Variants in FREM1 observed in about 807,000 individuals in gnomAD.
The protein encoded by FREM1 is FRAS1 related extracellular matrix 1.
FREM1 carries 220 observed loss-of-function variants against 210.1 expected under a neutral mutation model. The observed-to-expected ratio is 1.05, with a 90% CI of 0.94 to 1.17. The LOEUF (loss-of-function observed/expected upper bound fraction) is 1.17. Ranked by LOEUF, FREM1 falls within the 50% of genes most tolerant of loss-of-function variation. The pLI is 0.00. For synonymous variants in FREM1, 1,189 were observed against 980.2 expected, an observed-to-expected ratio of 1.21 and a Z score of -3.98; for missense variants, 3,454 against 2,675.5, an observed-to-expected ratio of 1.29 and a Z score of -6.42.
chr9:14,836,735 C>T lies in FREM1; in HGVS notation c.1881+4712G>A, dbSNP rs1188051315. Among the ~76,000 whole-genome samples the T allele has an allele frequency of 6.6e-6, 1 of 152,210 alleles. No homozygotes were observed. The highest frequency in any genetic ancestry group is 1.5e-5 in the Non-Finnish European group (1 of 68,024). On this transcript the variant is annotated intron_variant, in intron 10 of 36. Transcript: ENST00000380880. This position sits in a 1 kb window ranked among gnomAD's most constrained non-coding sequence, Gnocchi z 4.9. ...CTGAACCGCATGTGGACATGCCATT[C>T]TTCCGAGGACCCTTAAATCAATCCC... is the stretch of plus-strand genomic sequence containing the variant.
chr9:14,803,303 T>C (rs1025492339), intron 19 of FREM1, among the ~76,000 whole-genome samples: 10 of 132,250 alleles, frequency 7.6e-5, no homozygotes, highest in Non-Finnish European at 1.5e-4. Context: ...TTTCCCTTTC[T>C]CTCTTTTTCT....
chr9:14,853,308 G>A (rs1828104221), intron 5 of FREM1, among the ~76,000 whole-genome samples: 1 of 152,182 alleles, frequency 6.6e-6, no homozygotes, highest in Non-Finnish European at 1.5e-5. Context: ...CAGAGGGCTG[G>A]TCTGGGATCT....
At chr9:14,772,592 C>T (rs1279529777) in intron 25 of FREM1, among the ~76,000 whole-genome samples, 3 of 152,034 alleles carry the variant, frequency 2.0e-5, no homozygotes, top group Admixed American at 2.0e-4. Context: ...GAATTATTTA[C>T]AATACATAGT....
At chr9:14,765,617 C>G (rs1331407115) in intron 27 of FREM1, among the ~76,000 whole-genome samples, 2 of 152,108 alleles carry the variant, frequency 1.3e-5, no homozygotes, top group Non-Finnish European at 2.9e-5. Flanking sequence ...TATTAGCTAG[C>G]CAAACACCTT....
intron 21 of FREM1, among the ~76,000 whole-genome samples, chr9:14,793,196 G>C (rs1189837317): frequency 1.3e-5 from 2 of 152,162 alleles, no homozygotes; most frequent in African/African-American, 2.4e-5. Context: ...CTTGTTTCCA[G>C]TATTTCATTT....
intron 20 of FREM1, among the ~76,000 whole-genome samples, chr9:14,800,862 A>T (rs1187225732): frequency 6.6e-6 from 1 of 152,104 alleles, no homozygotes; most frequent in East Asian, 1.9e-4. Flanking sequence ...GTGATGTATT[A>T]TTACCTTTTC....
At chr9:14,865,192 C>A (rs1387771667) in intron 2 of FREM1, among the ~76,000 whole-genome samples, 1 of 152,082 alleles carries the variant, frequency 6.6e-6, no homozygotes, top group Admixed American at 6.6e-5. Flanking sequence ...TAAAATGGTT[C>A]AAAGTAGAGA....
chr9:14,801,941 G>T, intron 19 of FREM1, 67 bp from the exon 20 acceptor site: 1 of 1,190,306 alleles, frequency 8.4e-7, no homozygotes, highest in Non-Finnish European at 1.2e-6. Context: ...TTGGAAAACT[G>T]CTTAAAGAAA....
At chr9:14,880,567 G>A (rs1437716532) in intron 1 of FREM1, among the ~76,000 whole-genome samples, 1 of 143,822 alleles carries the variant, frequency 7.0e-6, no homozygotes, top group Non-Finnish European at 1.5e-5. Flanking sequence ...TCGTGCCACT[G>A]CACTCCAGCC....
At chr9:14,861,068 TACATATATACATATATAC>T (rs1462065919) in intron 3 of FREM1, among the ~76,000 whole-genome samples, 1 of 56,152 alleles carries the variant, frequency 1.8e-5, no homozygotes, top group Non-Finnish European at 3.3e-5. Context: ...TATACACATA[TACATATATACATATATAC>T]ACATATATAT....
chr9:14,860,558 C>CATATATATATAT (rs1284798422), intron 3 of FREM1, among the ~76,000 whole-genome samples: 3 of 118,052 alleles, frequency 2.5e-5, no homozygotes, highest in African/African-American at 1.2e-4. Flanking sequence ...TATATATACA[C>CATATATATATAT]ACATATATAT....
Position 14,841,518 on chromosome 9 carries a change from C to T in FREM1, c.1810G>A (p.Glu604Lys), listed in dbSNP as rs1825694310. 1 of 1,612,372 alleles carries T rather than the reference C, an allele frequency of 6.2e-7. No homozygotes were observed. Among genetic ancestry groups the T allele is most frequent in the Non-Finnish European group, 8.5e-7 (1 of 1,178,744 alleles). ...GIIYYRHFGG[E>K]IFEDSFQFVL... ...AATTGAAAAGAATCTTCAAAGATTT[C>T]TCCACCAAAATGACGATAATAAATG... is the stretch of plus-strand genomic sequence containing the variant. Residue 604 changes from glutamate to lysine, a missense_variant, in exon 10 of 37, where the codon GAA (glutamate) becomes AAA (lysine). By Grantham distance (56) the Glu-to-Lys change is moderately conservative. Coordinates refer to ENST00000380880, the MANE Select transcript of FREM1 (RefSeq NM_001379081.2).
chr9:14,776,739 C>T (rs1367483426), intron 24 of FREM1, among the ~76,000 whole-genome samples: 2 of 152,186 alleles, frequency 1.3e-5, no homozygotes, highest in East Asian at 1.9e-4. Context: ...TAGCAGATCA[C>T]ATTTCTCAGA....
intron 21 of FREM1, among the ~76,000 whole-genome samples, 177 bp downstream of exon 21, chr9:14,797,321 G>T (rs1039995848): frequency 6.6e-6 from 1 of 152,154 alleles, no homozygotes; most frequent in African/African-American, 2.4e-5. Flanking sequence ...TTAAGGAGAG[G>T]TTACCTTAAC....
At chr9:14,859,737 T>A (rs940693867) in intron 3 of FREM1, among the ~76,000 whole-genome samples, 36 of 152,232 alleles carry the variant, frequency 2.4e-4, no homozygotes, top group African/African-American at 8.7e-4. Context: ...AAACTCATCA[T>A]GCACGTGGAT....
chr9:14,815,944 G>C (rs958921384), intron 15 of FREM1, among the ~76,000 whole-genome samples: 1 of 152,060 alleles, frequency 6.6e-6, no homozygotes, highest in Non-Finnish European at 1.5e-5. Flanking sequence ...CACCTTGCCC[G>C]CTCTGCACTC....
chr9:14,738,038 C>T (rs1401524125), intron 36 of FREM1, among the ~76,000 whole-genome samples: 1 of 152,160 alleles, frequency 6.6e-6, no homozygotes, highest in African/African-American at 2.4e-5. Context: ...TTTTCTTCCT[C>T]ATTATTTAAA....
chr9:14,901,958 C>A (rs1838863983), intron 1 of FREM1, among the ~76,000 whole-genome samples: 1 of 151,806 alleles, frequency 6.6e-6, no homozygotes, highest in Non-Finnish European at 1.5e-5. Context: ...CTCAAGTGAT[C>A]CTCCCACCTG....
chr9:14,802,664 G>A (rs1410803756), intron 19 of FREM1, among the ~76,000 whole-genome samples: 1 of 152,000 alleles, frequency 6.6e-6, no homozygotes, highest in Non-Finnish European at 1.5e-5. Flanking sequence ...CGAGGATTGA[G>A]AGAACAAAAA....
Sources: gnomAD v4.1 joint callset for allele counts (sites outside exome capture counted in the v4.1 genomes callset) on GRCh38, gnomAD v4.1.1 for gene constraint, Gnocchi (gnomAD v3.1) non-coding constraint, MANE v1.5 for transcripts, NCBI Gene and HGNC (gene_info 2026-07-23, HGNC 2026-07-21) for gene names.